HCN1: variants seen among roughly 807,000 people sequenced by gnomAD.
The protein encoded by HCN1 is potassium/sodium hyperpolarization-activated cyclic nucleotide-gated channel 1.
HCN1 carries 13 observed loss-of-function variants against 78.9 expected under a neutral mutation model. The observed-to-expected ratio is 0.16, with a 90% CI of 0.11 to 0.26. HCN1 has a LOEUF of 0.26. Ranked by LOEUF, HCN1 falls within the 10% of genes least tolerant of loss-of-function variation. The pLI is 1.00. For synonymous variants in HCN1, 552 were observed against 455.5 expected (o/e 1.21, Z -2.70); for missense variants, 810 against 1,154.3 (o/e 0.70, Z 4.32).
chr5:45,319,611 A>G (rs1029138277), intron 5 of HCN1, among the ~76,000 whole-genome samples: 23 of 151,674 alleles, frequency 1.5e-4, no homozygotes, highest in Admixed American at 1.5e-3. Context: ...ATGCACTGCA[A>G]ATACCTTCTC....
At chr5:45,653,842 C>T (rs1745720637) in intron 1 of HCN1, among the ~76,000 whole-genome samples, 2 of 152,024 alleles carry the variant, frequency 1.3e-5, no homozygotes, top group South Asian at 2.1e-4. Flanking sequence ...GTGGGTGCAG[C>T]GCACCAGCAT....
intron 2 of HCN1, among the ~76,000 whole-genome samples, chr5:45,587,220 A>C (rs946173728): frequency 6.6e-6 from 1 of 152,194 alleles, no homozygotes; most frequent in Non-Finnish European, 1.5e-5. Context: ...AAGGATTATA[A>C]ATCATGCTGC....
At chr5:45,445,337 G>A (rs1740767998) in intron 3 of HCN1, among the ~76,000 whole-genome samples, 1 of 152,188 alleles carries the variant, frequency 6.6e-6, no homozygotes, top group Non-Finnish European at 1.5e-5. Context: ...TAGGGGAGGG[G>A]CACCTGCCAT....
At chr5:45,571,287 T>C (rs1310375246) in intron 2 of HCN1, among the ~76,000 whole-genome samples, 2 of 152,114 alleles carry the variant, frequency 1.3e-5, no homozygotes, top group African/African-American at 4.8e-5. Flanking sequence ...TGACAATTAT[T>C]GGTGTAAAAT....
At chr5:45,376,097 A>T (rs1162652013) in intron 4 of HCN1, among the ~76,000 whole-genome samples, 1 of 111,070 alleles carries the variant, frequency 9.0e-6, no homozygotes, top group Non-Finnish European at 1.6e-5. Flanking sequence ...ATTATATATA[A>T]TATAATGTTT....
At chr5:45,689,607 G>A (rs1031094668) in intron 1 of HCN1, among the ~76,000 whole-genome samples, 10 of 152,172 alleles carry the variant, frequency 6.6e-5, no homozygotes, top group African/African-American at 2.4e-4. Context: ...CTTAGTTGCA[G>A]GAGAGAACTC....
intron 1 of HCN1, among the ~76,000 whole-genome samples, chr5:45,679,094 G>A (rs2112086144): frequency 6.6e-6 from 1 of 152,112 alleles, no homozygotes; most frequent in Middle Eastern, 3.4e-3. Context: ...TAAGTCATTG[G>A]ATCAGCATAT....
intron 3 of HCN1, among the ~76,000 whole-genome samples, chr5:45,447,808 T>A (rs1017685740): frequency 6.6e-6 from 1 of 151,566 alleles, no homozygotes; most frequent in Non-Finnish European, 1.5e-5. Context: ...AAGGGGGAGG[T>A]GTTTGGTATA....
At chr5:45,604,095 A>G (rs1180785032) in intron 2 of HCN1, among the ~76,000 whole-genome samples, 1 of 152,116 alleles carries the variant, frequency 6.6e-6, no homozygotes, top group African/African-American at 2.4e-5. Flanking sequence ...CTCAAGTGGA[A>G]GTGATTTTTG....
In HCN1 at chr5:45,611,269, CTTTTTTTTTTTTTT is replaced by C. The variant is rs1054830050; in HGVS notation, c.849+33902_849+33915del. On this transcript the variant is annotated intron_variant, in intron 2 of 7. Coordinates refer to ENST00000303230, the MANE Select transcript of HCN1 (RefSeq NM_021072.4). ...ATTTTTCTTTTTTTTTTATCTTTTT[CTTTTTTTTTTTTTT>C]TTTTTTGAGACGGAGTCTAGCTCTG... Among the ~76,000 whole-genome samples, 43 of 113,732 alleles carry C rather than the reference CTTTTTTTTTTTTTT, an allele frequency of 3.8e-4. No individual in the cohort carries two copies. The East Asian group carries it at 8.2e-3, about 22-fold the overall frequency. The allele number at this position is 113,732 out of a possible 152,430, so 74.6% of individuals were successfully genotyped here. A position where few individuals can be genotyped will look rare whatever the true frequency, so the allele number is the denominator to read the frequency against.
At chr5:45,313,200 C>T (rs185385168) in intron 5 of HCN1, among the ~76,000 whole-genome samples, 3 of 152,316 alleles carry the variant, frequency 2.0e-5, no homozygotes, top group East Asian at 1.9e-4. Flanking sequence ...GCAACATTTG[C>T]TGTTCACCAA....
chr5:45,518,936 A>C lies in HCN1; in HGVS notation c.850-56929T>G, dbSNP rs551816847. Among the ~76,000 whole-genome samples, 6 of 151,982 alleles carry C rather than the reference A, an allele frequency of 3.9e-5. 2 individuals carry two copies. In the South Asian group the frequency reaches 1.2e-3, roughly 31 times the overall value. ...AGCAGCCCAAAGGTACTGATGTAAA[A>C]GGTATTTATATACATATAAAATGTG... On this transcript the variant is annotated intron_variant, in intron 2 of 7. Transcript: ENST00000303230.
rs139611518 is a variant in HCN1, at chr5:45,302,020, C to T, written c.1618+1579G>A. Among the ~76,000 whole-genome samples the T allele has an allele frequency of 4.8e-3, 725 of 151,976 alleles. 3 individuals are homozygous for T. Among genetic ancestry groups the T allele is most frequent in the African/African-American group, 0.017 (694 of 41,474 alleles). On this transcript the variant is annotated intron_variant, in intron 6 of 7. Transcript: ENST00000303230. ...AAGAATAGGAACAAAAAAATAAATC[C>T]AAGCAATTAGTAACTCTAAGAAGAA... is the stretch of plus-strand genomic sequence containing the variant.
chr5:45,687,150 A>G (rs770527548), intron 1 of HCN1, among the ~76,000 whole-genome samples: 14 of 152,160 alleles, frequency 9.2e-5, no homozygotes, highest in Non-Finnish European at 1.5e-4. Context: ...CTTGATATGT[A>G]ACTTTTTCTT....
intron 2 of HCN1, among the ~76,000 whole-genome samples, chr5:45,627,472 A>C (rs1339533446): frequency 6.6e-6 from 1 of 152,186 alleles, no homozygotes; most frequent in Non-Finnish European, 1.5e-5. Flanking sequence ...AGGTGCAACC[A>C]TGGTGATTTT....
intron 2 of HCN1, among the ~76,000 whole-genome samples, chr5:45,552,582 G>A (rs1743390077): frequency 6.6e-6 from 1 of 151,870 alleles, no homozygotes. Context: ...TATCATCATT[G>A]CATTTGATTT....
At chr5:45,665,001 T>C (rs1280728673) in intron 1 of HCN1, among the ~76,000 whole-genome samples, 1 of 151,504 alleles carries the variant, frequency 6.6e-6, no homozygotes, top group Non-Finnish European at 1.5e-5. Flanking sequence ...CATGCACACG[T>C]ATGCTATTGT....
Position 45,259,995 on chromosome 5 carries a change from A to G in HCN1, c.*1926T>C, listed in dbSNP as rs979737671. 2.0e-5 allele frequency: 3 copies of G among 152,620 alleles called. No homozygotes were observed. The East Asian group carries it at 5.8e-4, about 29-fold the overall frequency. 9.5% of individuals were successfully genotyped at this position (152,620 alleles called of 1,614,324 possible). ...ACCAGCATATTGATGATTACATTAC[A>G]TCGACTAGCAGTTAATTACTTCCAC... On this transcript the variant is annotated 3_prime_UTR_variant, in exon 8 of 8. Transcript: ENST00000303230.
chr5:45,515,229 CT>C (rs1163928853), intron 2 of HCN1, among the ~76,000 whole-genome samples: 2 of 151,854 alleles, frequency 1.3e-5, no homozygotes, highest in African/African-American at 4.8e-5. Context: ...AATAGGTTTT[CT>C]TTTTTTCTTA....
Sources: gnomAD v4.1 joint callset for allele counts (sites outside exome capture counted in the v4.1 genomes callset) on GRCh38, gnomAD v4.1.1 for gene constraint, MANE v1.5 for transcripts, NCBI Gene and HGNC (gene_info 2026-07-23, HGNC 2026-07-21) for gene names.